The following FLT4 variants were observed in gnomAD, a reference collection of about 807,000 sequenced individuals.
FLT4 encodes vascular endothelial growth factor receptor 3.
A neutral mutation model predicts 163.2 loss-of-function variants in FLT4; 30 were observed. That is an observed-to-expected ratio of 0.18 (90% confidence interval 0.14 to 0.25). The LOEUF (loss-of-function observed/expected upper bound fraction) is 0.25. Among genes scored for constraint, FLT4 ranks in the 10% least tolerant of loss-of-function variants. The probability of loss-of-function intolerance (pLI) is 1.00; values close to 1 mark genes in which losing one functional copy is unlikely to be tolerated. For synonymous variants in FLT4, 884 were observed against 789.5 expected, an observed-to-expected ratio of 1.12 and a Z score of -2.01; for missense variants, 1,510 against 1,863.8, an observed-to-expected ratio of 0.81 and a Z score of 3.50.
intron 27 of FLT4, among the ~76,000 whole-genome samples, chr5:180,610,268 T>C (rs1170073636): frequency 1.3e-5 from 2 of 152,150 alleles, no homozygotes; most frequent in African/African-American, 2.4e-5. Flanking sequence ...CTGAGCTCTG[T>C]GATGGGAAGT....
chr5:180,634,067 C>T (rs1764372613), intron 1 of FLT4, among the ~76,000 whole-genome samples: 1 of 152,202 alleles, frequency 6.6e-6, no homozygotes, highest in Non-Finnish European at 1.5e-5. Flanking sequence ...GGGCCTCTGC[C>T]CTCCAGCCAC....
rs759575893 is a variant in FLT4, at chr5:180,626,304, A to C, written c.1104-39T>G. 56 of 1,605,666 alleles carry C rather than the reference A, an allele frequency of 3.5e-5. 1 individual carries two copies. The South Asian group carries it at 5.5e-4, about 16-fold the overall frequency. On this transcript the variant is annotated intron_variant, in intron 8 of 29. Transcript: ENST00000261937. ...GGAGGTCAGGGCCCATACAGATCCC[A>C]CCACAGCCCCAACCTCATGCTGGCA...
At chr5:180,610,688 A>T (rs1762106963) in intron 27 of FLT4, among the ~76,000 whole-genome samples, 1 of 152,170 alleles carries the variant, frequency 6.6e-6, no homozygotes, top group South Asian at 2.1e-4. Flanking sequence ...CCCCCAGACT[A>T]ATCAGTGATT....
In FLT4 at chr5:180,629,424, C is replaced by T; in HGVS notation, c.820G>A (p.Glu274Lys). ...CGCTCGGGCACCCACTTACCCCGCT[C>T]TGCCTGCCCGCACCCAGGGAAGCCC... The part of the protein sequence containing the change: ...FDWDYPGKQA[E>K]RGKWVPERRS... The change falls in exon 7 of 30, where the codon GAG becomes AAG. Residue 274 changes from glutamate (E) to lysine (K), a missense_variant. Physicochemically the swap from Glu to Lys is moderately conservative, Grantham distance 56. Coordinates refer to ENST00000261937, the MANE Select transcript of FLT4 (RefSeq NM_182925.5). The T allele has an allele frequency of 6.2e-7, 1 of 1,610,896 alleles. No homozygotes were observed.
chr5:180,609,019 G>A lies in FLT4; in HGVS notation c.3842C>T (p.Ser1281Leu), dbSNP rs1761972287. ...GCTCTCTATCTGCTCAAACTCCTCC[G>A]AGGCCAGCACCATCCCACTGTCTGT... ...NQTDSGMVLA[S>L]EEFEQIESRH... Residue 1281 changes from serine to leucine, a missense_variant, in exon 29 of 30, where the codon TCG becomes TTG. This residue lies in a region of FLT4 where 295 missense variants were observed against 311.0 expected (regional missense o/e 0.95). Transcript: ENST00000261937. 1.2e-6 allele frequency: 2 copies of A among 1,614,184 alleles called. No individual in the cohort carries two copies. The highest frequency in any genetic ancestry group is 2.2e-5 in the East Asian group (1 of 44,880).
Position 180,630,496 on chromosome 5 carries a change from C to T in FLT4, c.400+59G>A, listed in dbSNP as rs73812626. 581 of 1,605,352 alleles carry T rather than the reference C, an allele frequency of 3.6e-4. 1 individual carries two copies. The African/African-American group carries it at 5.9e-3, about 16-fold the overall frequency. On this transcript the variant is annotated intron_variant, in intron 3 of 29. Coordinates refer to ENST00000261937, the MANE Select transcript of FLT4 (RefSeq NM_182925.5). This position sits in a 1 kb window ranked among gnomAD's most constrained non-coding sequence, Gnocchi z 6.3. The stretch of plus-strand genomic sequence containing the variant: ...CAGCCCAGGGTCCACAGGCTGGGGG[C>T]GGTGTGGGCCCCAGCTGCCCGGGAC...
intron 23 of FLT4, among the ~76,000 whole-genome samples, chr5:180,615,011 A>G (rs1762528760): frequency 6.6e-6 from 1 of 152,106 alleles, no homozygotes; most frequent in South Asian, 2.1e-4. Context: ...GTCCATCTCC[A>G]GGACAGACAC....
chr5:180,646,138 G>A (rs573831038), intron 1 of FLT4, among the ~76,000 whole-genome samples: 10 of 152,086 alleles, frequency 6.6e-5, no homozygotes, highest in African/African-American at 2.2e-4. Context: ...TTATCTGGCC[G>A]GGTGCATCAG....
In FLT4 at chr5:180,629,786, C is replaced by T. The variant is rs757457589; in HGVS notation, c.726G>A (p.Leu242=). 6.2e-7 allele frequency: 1 copy of T among 1,612,500 alleles called. No individual in the cohort carries two copies. Among genetic ancestry groups the T allele is most frequent in the Non-Finnish European group, 8.5e-7 (1 of 1,179,852 alleles). ...IQLLPRKSLE[L]LVGEKLVLNC... ...TCAGGACCAGCTTCTCCCCTACCAGCAGCTCCAGCGACTTCCTGGGCAACA... is the reference window on the plus strand; with the variant it reads ...TCAGGACCAGCTTCTCCCCTACCAGTAGCTCCAGCGACTTCCTGGGCAACA... The change falls in exon 6 of 30, where the codon CTG becomes CTA. Residue 242 remains leucine, a synonymous_variant. Transcript: ENST00000261937.
chr5:180,609,876 G>C (rs1453173638), intron 28 of FLT4, 29 bp downstream of exon 28: 5 of 1,613,612 alleles, frequency 3.1e-6, no homozygotes, highest in Admixed American at 3.3e-5. Flanking sequence ...TGAGCCGAGA[G>C]CGCAGCCCCC....
Position 180,630,155 on chromosome 5 carries a change from C to A in FLT4, c.514-50G>T. 1 of 1,595,976 alleles carries A rather than the reference C, an allele frequency of 6.3e-7. No homozygotes were observed. On this transcript the variant is annotated intron_variant, in intron 4 of 29. Coordinates refer to ENST00000261937, the MANE Select transcript of FLT4 (RefSeq NM_182925.5). This position sits in a 1 kb window ranked among gnomAD's most constrained non-coding sequence, Gnocchi z 6.3. The stretch of plus-strand genomic sequence containing the variant: ...TGCCCAGCTGCCCCTTGCTCCTGGC[C>A]AGACAGGCGGCCGCCTTTCCCAGGG...
At chr5:180,631,196 G>A (rs571655467) in intron 2 of FLT4, among the ~76,000 whole-genome samples, 48 of 152,228 alleles carry the variant, frequency 3.2e-4, no homozygotes, top group Non-Finnish European at 4.1e-4. Context: ...GGGGTGGGCT[G>A]GGCACAGTGG....
At chr5:180,643,059 A>G (rs532049639) in intron 1 of FLT4, among the ~76,000 whole-genome samples, 1 of 152,358 alleles carries the variant, frequency 6.6e-6, no homozygotes, top group South Asian at 2.1e-4. Context: ...GGAAGACAGG[A>G]TTAAGGGAAG....
chr5:180,641,307 G>A (rs901630220), intron 1 of FLT4, among the ~76,000 whole-genome samples: 10 of 152,204 alleles, frequency 6.6e-5, no homozygotes, highest in Admixed American at 1.3e-4. Flanking sequence ...CAACACAGCC[G>A]GCACAGGGAT....
In FLT4 at chr5:180,621,719, G is replaced by A; in HGVS notation, c.1843C>T (p.Leu615=). The A allele has an allele frequency of 1.2e-6, 2 of 1,612,994 alleles. No individual in the cohort carries two copies. The highest frequency in any genetic ancestry group is 1.7e-4 in the Middle Eastern group (1 of 6,058). Residue 615 remains leucine (L), a synonymous_variant, in exon 13 of 30, where the codon CTG becomes TTG. Coordinates refer to ENST00000261937, the MANE Select transcript of FLT4 (RefSeq NM_182925.5). ...PLLLDCKNVH[L]FATPLAASLE... ...CTGGCGGCCAGAGGGGTGGCGAACA[G>A]ATGCACGTTCTTGCAGTCGAGCAGA...
chr5:180,630,211 G>A lies in FLT4; in HGVS notation c.513+14C>T, dbSNP rs938700408. ...ATGGGAGGGTCGGATGCTGGGGTTG[G>A]GGTGGGGCCGTACCGAGCGCAGCGT... On this transcript the variant is annotated intron_variant, in intron 4 of 29. Transcript: ENST00000261937. This position sits in a 1 kb window ranked among gnomAD's most constrained non-coding sequence, Gnocchi z 6.3. The A allele has an allele frequency of 6.2e-7, 1 of 1,611,068 alleles. No homozygotes were observed. Among genetic ancestry groups the A allele is most frequent in the Non-Finnish European group, 8.5e-7 (1 of 1,178,664 alleles).
chr5:180,643,032 G>A (rs1765240078), intron 1 of FLT4, among the ~76,000 whole-genome samples: 1 of 152,198 alleles, frequency 6.6e-6, no homozygotes, highest in African/African-American at 2.4e-5. Context: ...ACACATGACC[G>A]TTAAGATATT....
rs1230961296 is a variant in FLT4 at position 180,613,113 on chromosome 5, G to GACAAC, written c.3332-8_3332-4dup. The stretch of plus-strand genomic sequence containing the variant: ...CACCCCAGGGTACGGGGAGGCCCCT[G>GACAAC]ACAACAGGAAGGGGAGGTGGGTGGG... On this transcript the variant is annotated splice_polypyrimidine_tract_variant and splice_region_variant and intron_variant, in intron 24 of 29. Coordinates refer to ENST00000261937, the MANE Select transcript of FLT4 (RefSeq NM_182925.5). 6.2e-7 allele frequency: 1 copy of GACAAC among 1,609,938 alleles called. No individual in the cohort carries two copies.
At position 180,629,912 on chromosome 5, in the gene FLT4, CGTTACTGGGAACGGGGCACAGCCCT is replaced by C. The variant is rs767757882; in HGVS notation, c.676+6_676+30del. On this transcript the variant is annotated splice_donor_region_variant and intron_variant, in intron 5 of 29. Coordinates refer to ENST00000261937, the MANE Select transcript of FLT4 (RefSeq NM_182925.5). The stretch of plus-strand genomic sequence containing the variant: ...GAGGCCAGTGAGGCAGTGACAGCCC[CGTTACTGGGAACGGGGCACAGCCCT>C]GTTACCTGTGATGTGCACCAGGAAG... The C allele has an allele frequency of 4.7e-5, 76 of 1,612,524 alleles. No homozygotes were observed. Among genetic ancestry groups the C allele is most frequent in the African/African-American group, 3.7e-4 (28 of 74,916 alleles).
Sources: allele counts gnomAD v4.1 joint callset (sites outside exome capture counted in the v4.1 genomes callset), GRCh38; gene constraint gnomAD v4.1.1; regional missense constraint gnomAD v4.1.1; non-coding constraint Gnocchi (gnomAD v3.1); transcripts MANE v1.5; gene names NCBI Gene and HGNC (gene_info 2026-07-23, HGNC 2026-07-21).